MATK: variants seen among roughly 807,000 people sequenced by gnomAD.
The protein encoded by MATK is megakaryocyte-associated tyrosine-protein kinase.
In MATK, 41 loss-of-function variants were observed where a neutral mutation model predicts 59.8. The ratio of observed to expected loss-of-function variants is 0.69; its 90% CI spans 0.53 to 0.89. MATK has a LOEUF of 0.89. Ranked by LOEUF, MATK falls within the 40% of genes least tolerant of loss-of-function variation. MATK has a pLI of 0.00. For missense variants in MATK, 593 were observed against 719.6 expected (o/e 0.82, Z 2.01); for synonymous variants, 308 against 306.1 (o/e 1.01, Z -0.06).
Position 3,778,003 on chromosome 19 carries a change from A to G in MATK, c.*180T>C. 2 of 766,318 alleles carry G rather than the reference A, an allele frequency of 2.6e-6. No individual in the cohort carries two copies. Among genetic ancestry groups the G allele is most frequent in the African/African-American group, 3.7e-5 (2 of 53,736 alleles). 47.5% of individuals were successfully genotyped at this position (766,318 alleles called of 1,614,324 possible). On this transcript the variant is annotated 3_prime_UTR_variant, in exon 14 of 14. Coordinates refer to ENST00000310132, the MANE Select transcript of MATK (RefSeq NM_139355.3). ...TAGAATCCGTCTTTATCGGGCGATC[A>G]TCCTTCGCAGGTCTGGGGTGTCCAC...
Position 3,778,585 on chromosome 19 carries a change from C to T in MATK, c.1208G>A (p.Ser403Asn). Residue 403 changes from serine (S) to asparagine (N), a missense_variant, in exon 13 of 14, where the codon AGC becomes AAC. Physicochemically the swap from Ser to Asn is conservative, Grantham distance 46 (BLOSUM62 1). Coordinates refer to ENST00000310132, the MANE Select transcript of MATK (RefSeq NM_139355.3). ...CCCAAAACTCCAGACATCCGACTTG[C>T]TGGTGAACTTCTGTGGGGCCCGAGA... is the stretch of plus-strand genomic sequence containing the variant. Reference protein sequence around the residue: ...PEALKHGKFTSKSDVWSFGVL... With the variant: ...PEALKHGKFTNKSDVWSFGVL... 1 of 1,612,578 alleles carries T rather than the reference C, an allele frequency of 6.2e-7. No individual in the cohort carries two copies. Among genetic ancestry groups the T allele is most frequent in the African/African-American group, 1.3e-5 (1 of 74,960 alleles).
rs1319481660 is a variant in MATK at position 3,800,137 on chromosome 19, G to A, written c.-58+1395C>T. Among the ~76,000 whole-genome samples the A allele has an allele frequency of 5.2e-5, 7 of 133,884 alleles. No homozygotes were observed. The East Asian group carries it at 1.1e-3, about 21-fold the overall frequency. The allele number at this position is 133,884 out of a possible 152,430, so 87.8% of individuals were successfully genotyped here. ...AGCCTGGGCAACAGAGCGAGACTCC[G>A]TCTCAAAAAAAAAAAAAAGAAAAAA... On this transcript the variant is annotated intron_variant, in intron 1 of 13. Coordinates refer to the MATK transcript ENST00000395045.
rs962326982 is a variant in MATK, at chr19:3,779,141, G to A, written c.1048C>T (p.His350Tyr). 13 of 1,607,480 alleles carry A rather than the reference G, an allele frequency of 8.1e-6. No homozygotes were observed. Among genetic ancestry groups the A allele is most frequent in the Non-Finnish European group, 1.1e-5 (13 of 1,177,808 alleles). The change falls in exon 12 of 14, where the codon CAC (histidine) becomes TAC (tyrosine). Residue 350 changes from histidine to tyrosine, a missense_variant. His to Tyr is a moderately conservative substitution (Grantham distance 83). Transcript: ENST00000310132. ...MEYLESKKLVHRDLAARNILV... is the reference protein window; with the variant it reads ...MEYLESKKLVYRDLAARNILV... The stretch of plus-strand genomic sequence containing the variant: ...ATGTTGCGGGCGGCCAGGTCGCGGT[G>A]CACAAGCTTCTTGCTCTCCAGGTAC...
chr19:3,798,813 GT>G (rs921384399), intron 1 of MATK, among the ~76,000 whole-genome samples: 8 of 144,094 alleles, frequency 5.6e-5, no homozygotes, highest in Non-Finnish European at 1.1e-4. Flanking sequence ...TGCCCGGCCT[GT>G]TTTTTTTTTA....
chr19:3,791,243 C>T (rs2037538284), upstream of MATK, among the ~76,000 whole-genome samples: 1 of 151,998 alleles, frequency 6.6e-6, no homozygotes. Context: ...CTTCTCTTTC[C>T]GAGAGTCCAT....
chr19:3,778,991 C>A lies in MATK; in HGVS notation c.1197+1G>T. 1 of 1,552,874 alleles carries A rather than the reference C, an allele frequency of 6.4e-7. No homozygotes were observed. The highest frequency in any genetic ancestry group is 8.7e-7 in the Non-Finnish European group (1 of 1,153,434). On this transcript the variant is annotated splice_donor_variant, in intron 12 of 13. Transcript: ENST00000310132. LOFTEE classifies it high-confidence loss of function. ...CAGGGGTATGTGAAGGCAGGGCTCACCCCGTGTTTGAGAGCCTCGGGCGCC... is the reference window on the plus strand; with the variant it reads ...CAGGGGTATGTGAAGGCAGGGCTCAACCCGTGTTTGAGAGCCTCGGGCGCC...
chr19:3,782,083 C>T (rs1257988481), intron 7 of MATK, among the ~76,000 whole-genome samples: 1 of 151,868 alleles, frequency 6.6e-6, no homozygotes. Flanking sequence ...CTCTCTTGTC[C>T]CTCCAAATAC....
In MATK at chr19:3,778,169, CCCA is replaced by C. The variant is rs1251462966; in HGVS notation, c.*11_*13del. 2.6e-6 allele frequency: 4 copies of C among 1,544,074 alleles called. No individual in the cohort carries two copies. In the African/African-American group the frequency reaches 4.1e-5, roughly 16 times the overall value. On this transcript the variant is annotated 3_prime_UTR_variant, in exon 14 of 14. Coordinates refer to ENST00000310132, the MANE Select transcript of MATK (RefSeq NM_139355.3). ...CTCTCGGTCCTCTGGGGCCAAGGGCCCCACCGGGTGGGGTCAGGGCTCCTGGCT... is the reference window on the plus strand; with the variant it reads ...CTCTCGGTCCTCTGGGGCCAAGGGCCCCGGGTGGGGTCAGGGCTCCTGGCT...
chr19:3,783,253 C>A (rs1390716651), intron 6 of MATK, 34 bp from the exon 7 acceptor site: 1 of 1,290,518 alleles, frequency 7.7e-7, no homozygotes, highest in Non-Finnish European at 1.0e-6. Context: ...GAGCCCAGCC[C>A]CAGGGAGGGG....
chr19:3,786,520 G>T, upstream of MATK: 1 of 505,800 alleles, frequency 2.0e-6, no homozygotes. This position sits in a 1 kb window ranked among gnomAD's most constrained non-coding sequence, Gnocchi z 4.1. Context: ...GGCCCTGTCG[G>T]GCGTGCACCC....
chr19:3,789,604 A>T (rs938902216), upstream of MATK, among the ~76,000 whole-genome samples: 1 of 151,974 alleles, frequency 6.6e-6, no homozygotes, highest in Non-Finnish European at 1.5e-5. Context: ...GGAGACATAG[A>T]CACTGAGCTG....
chr19:3,783,790 G>T, intron 6 of MATK, 24 bp downstream of exon 6: 1 of 1,600,960 alleles, frequency 6.2e-7, no homozygotes, highest in Non-Finnish European at 8.5e-7. Context: ...GCAGGGACGG[G>T]GTGGGGCCTC....
chr19:3,782,855 G>A (rs1040433865), intron 7 of MATK: 2 of 504,068 alleles, frequency 4.0e-6, no homozygotes, highest in South Asian at 4.7e-5. Flanking sequence ...GAATGCTGGA[G>A]GATGGGGTGG....
chr19:3,794,182 C>T (rs972485597), intron 1 of MATK, among the ~76,000 whole-genome samples: 1 of 152,182 alleles, frequency 6.6e-6, no homozygotes, highest in Non-Finnish European at 1.5e-5. Flanking sequence ...TTGTCAAAGC[C>T]GGAATCCCCA....
At chr19:3,793,264 TC>T (rs2037559773) in intron 1 of MATK, 1 of 152,216 alleles carries the variant, frequency 6.6e-6, no homozygotes, top group African/African-American at 2.4e-5. Context: ...CTGTGTCACA[TC>T]CGGCCTTAAA....
chr19:3,787,023 A>G (rs1439709757), upstream of MATK, among the ~76,000 whole-genome samples: 2 of 151,616 alleles, frequency 1.3e-5, no homozygotes, highest in African/African-American at 4.8e-5. Context: ...GAACAGTTTG[A>G]TCTCACTTGG....
chr19:3,783,078 G>A (rs754919373), intron 7 of MATK, 48 bp downstream of exon 7: 3 of 1,585,154 alleles, frequency 1.9e-6, no homozygotes, highest in Non-Finnish European at 2.6e-6. Flanking sequence ...TCCCGGACTG[G>A]GCTAACGTGG....
chr19:3,800,149 A>G (rs2037630176), intron 1 of MATK, among the ~76,000 whole-genome samples: 1 of 151,764 alleles, frequency 6.6e-6, no homozygotes, highest in Non-Finnish European at 1.5e-5. Flanking sequence ...CTCAAAAAAA[A>G]AAAAAAGAAA....
intron 1 of MATK, among the ~76,000 whole-genome samples, chr19:3,791,758 C>T (rs907640185): frequency 1.3e-5 from 2 of 152,182 alleles, no homozygotes; most frequent in Non-Finnish European, 2.9e-5. Flanking sequence ...ATCTGCCTAA[C>T]CCACTACTCT....
Sources: allele counts gnomAD v4.1 joint callset (sites outside exome capture counted in the v4.1 genomes callset), GRCh38; gene constraint gnomAD v4.1.1; non-coding constraint Gnocchi (gnomAD v3.1); transcripts MANE v1.5; gene names NCBI Gene and HGNC (gene_info 2026-07-23, HGNC 2026-07-21).